ULK4: variants seen among roughly 807,000 people sequenced by gnomAD.
The protein encoded by ULK4 is unc-51 like kinase 4.
ULK4 carries 133 observed loss-of-function variants against 160.6 expected under a neutral mutation model. That is an observed-to-expected ratio of 0.83 (90% CI 0.72 to 0.96). ULK4 has a LOEUF of 0.96. ULK4 is among the 40% of genes least tolerant of loss of function. The pLI, the probability that ULK4 is intolerant of heterozygous loss-of-function variation, is 0.00. For synonymous variants in ULK4, 534 were observed against 539.8 expected (o/e 0.99, Z 0.15); for missense variants, 1,580 against 1,499.5 (o/e 1.05, Z -0.89).
chr3:41,295,128 C>T (rs1381795773), intron 35 of ULK4, among the ~76,000 whole-genome samples: 1 of 152,152 alleles, frequency 6.6e-6, no homozygotes, highest in East Asian at 1.9e-4. Flanking sequence ...GAATAGAGAG[C>T]CCAGAAACAG....
At chr3:41,791,116 C>G (rs1440732132) in intron 20 of ULK4, among the ~76,000 whole-genome samples, 8 of 152,122 alleles carry the variant, frequency 5.3e-5, no homozygotes, top group Non-Finnish European at 1.2e-4. Context: ...TCTTAAACAT[C>G]TTAGAAAAAA....
chr3:41,873,894 G>C (rs1180340847), intron 17 of ULK4, among the ~76,000 whole-genome samples: 1 of 144,106 alleles, frequency 6.9e-6, no homozygotes, highest in Non-Finnish European at 1.5e-5. Context: ...TTTTTTTTTT[G>C]ATGTGGGAGG....
At chr3:41,373,090 TA>T (rs2081403513) in intron 35 of ULK4, among the ~76,000 whole-genome samples, 1 of 152,154 alleles carries the variant, frequency 6.6e-6, no homozygotes, top group Admixed American at 6.5e-5. Flanking sequence ...AAGAGCTAAC[TA>T]TCCTAAATAT....
intron 1 of ULK4, among the ~76,000 whole-genome samples, 180 bp from the exon 2 acceptor site, chr3:41,954,987 G>A (rs762541796): frequency 2.0e-5 from 3 of 152,138 alleles, no homozygotes; most frequent in East Asian, 1.9e-4. Context: ...ACGAAACTAC[G>A]GGGCAAATAA....
rs144019862 is a variant in ULK4 at position 41,550,369 on chromosome 3, T to C, written c.3226+15656A>G. Among the ~76,000 whole-genome samples, 1,181 of 152,122 alleles carry C rather than the reference T, an allele frequency of 7.8e-3. 11 individuals are homozygous for C. The highest frequency in any genetic ancestry group is 0.034 in the Middle Eastern group (10 of 294). On this transcript the variant is annotated intron_variant, in intron 32 of 36. Transcript: ENST00000301831. ...CTAGCTGAGTGAATTTTAAAAACCATGAAGCATCTTGCTGCCTACAAGAAA... is the reference window on the plus strand; with the variant it reads ...CTAGCTGAGTGAATTTTAAAAACCACGAAGCATCTTGCTGCCTACAAGAAA...
intron 17 of ULK4, among the ~76,000 whole-genome samples, chr3:41,860,126 T>C (rs565259132): frequency 1.1e-4 from 16 of 152,344 alleles, no homozygotes; most frequent in African/African-American, 3.6e-4. Flanking sequence ...TTTGAATTTT[T>C]TAAGACTTGT....
At chr3:41,864,208 C>G (rs910404290) in intron 17 of ULK4, among the ~76,000 whole-genome samples, 2 of 152,050 alleles carry the variant, frequency 1.3e-5, no homozygotes, top group African/African-American at 4.8e-5. Flanking sequence ...GTCTTGGTTT[C>G]CTTTCTGCTC....
intron 17 of ULK4, among the ~76,000 whole-genome samples, chr3:41,849,056 G>A (rs955687852): frequency 2.6e-5 from 4 of 152,094 alleles, no homozygotes; most frequent in Admixed American, 1.3e-4. Flanking sequence ...GGATAGAAAC[G>A]CCACAGAAAA....
chr3:41,553,043 T>C (rs944526264), intron 32 of ULK4, among the ~76,000 whole-genome samples: 1 of 152,082 alleles, frequency 6.6e-6, no homozygotes, highest in South Asian at 2.1e-4. Context: ...GAAAATTGGA[T>C]AGTTATATGC....
At chr3:41,398,036 A>C in intron 35 of ULK4, 43 bp downstream of exon 35, 1 of 1,576,136 alleles carries the variant, frequency 6.3e-7, no homozygotes, top group Non-Finnish European at 8.6e-7. Flanking sequence ...TGTCGCTGCC[A>C]GCAAAGCCAC....
chr3:41,559,969 TAGGTTTTCTTCTA>T (rs1377148707), intron 32 of ULK4, among the ~76,000 whole-genome samples: 2 of 152,226 alleles, frequency 1.3e-5, no homozygotes, highest in Non-Finnish European at 2.9e-5. Context: ...TGGTATTGCC[TAGGTTTTCTTCTA>T]GGGTTTTTAT....
chr3:41,286,482 G>A (rs1287588419), intron 35 of ULK4, among the ~76,000 whole-genome samples: 13 of 152,184 alleles, frequency 8.5e-5, no homozygotes, highest in Non-Finnish European at 4.4e-5. Context: ...GGAAGCAGCT[G>A]GAAGGCTGAG....
intron 34 of ULK4, among the ~76,000 whole-genome samples, chr3:41,412,398 G>GT (rs36026491): frequency 0.37 from 51,546 of 138,928 alleles, 9,780 homozygotes; most frequent in South Asian, 0.51. Flanking sequence ...AATCCCCCAA[G>GT]TTTTTTTTTT....
chr3:41,892,402 C>T (rs950482864), intron 16 of ULK4, among the ~76,000 whole-genome samples: 3 of 152,220 alleles, frequency 2.0e-5, no homozygotes, highest in African/African-American at 7.2e-5. Flanking sequence ...CACTAATGTT[C>T]ACAGCAGCAT....
chr3:41,942,826 A>G (rs1050082100), intron 2 of ULK4, among the ~76,000 whole-genome samples: 3 of 122,330 alleles, frequency 2.5e-5, no homozygotes, highest in Non-Finnish European at 5.6e-5. Context: ...CAAAAAATAA[A>G]TTAATTAATT....
At position 41,876,768 on chromosome 3, in the gene ULK4, T is replaced by TA. The variant is rs575211675; in HGVS notation, c.1656+7105dup. Among the ~76,000 whole-genome samples, 15 of 152,270 alleles carry TA rather than the reference T, an allele frequency of 9.9e-5. No homozygotes were observed. The East Asian group carries it at 2.3e-3, about 23-fold the overall frequency. ...AAGAAGCCAGATACCAAAGTATACA[T>TA]ATCATATGACTCAATTTAAACAAAA... On this transcript the variant is annotated intron_variant, in intron 17 of 36. Coordinates refer to ENST00000301831, the MANE Select transcript of ULK4 (RefSeq NM_017886.4).
intron 32 of ULK4, among the ~76,000 whole-genome samples, chr3:41,559,983 G>C (rs2087502870): frequency 6.6e-6 from 1 of 152,142 alleles, no homozygotes; most frequent in African/African-American, 2.4e-5. Flanking sequence ...TTTTCTTCTA[G>C]GGTTTTTATG....
intron 34 of ULK4, among the ~76,000 whole-genome samples, chr3:41,433,868 C>T (rs929949735): frequency 4.6e-5 from 7 of 152,156 alleles, no homozygotes; most frequent in Admixed American, 6.6e-5. Flanking sequence ...TACAGGCGCC[C>T]GCCACCACAC....
intron 32 of ULK4, among the ~76,000 whole-genome samples, chr3:41,562,382 T>G (rs2087619615): frequency 6.6e-6 from 1 of 152,194 alleles, no homozygotes; most frequent in African/African-American, 2.4e-5. Context: ...TAGGTCCACT[T>G]GGTGCAGAGC....
Sources: gnomAD v4.1 joint callset for allele counts (sites outside exome capture counted in the v4.1 genomes callset) on GRCh38, gnomAD v4.1.1 for gene constraint, MANE v1.5 for transcripts, NCBI Gene and HGNC (gene_info 2026-07-23, HGNC 2026-07-21) for gene names.